The following SELENOF variants were observed in gnomAD, a reference collection of about 807,000 sequenced individuals.
SELENOF encodes selenoprotein F, also known as 15 kDa selenoprotein.
Under a neutral mutation model 20.5 loss-of-function variants are expected in SELENOF, and 16 were observed. The ratio of observed to expected loss-of-function variants is 0.78; its 90% CI spans 0.53 to 1.19. SELENOF has a LOEUF of 1.19. Among genes scored for constraint, SELENOF ranks in the 50% most tolerant of loss-of-function variants. The pLI, the probability that SELENOF is intolerant of heterozygous loss-of-function variation, is 0.00. For synonymous variants in SELENOF, 78 were observed against 74.5 expected (o/e 1.05, Z -0.24); for missense variants, 215 against 194.2 (o/e 1.11, Z -0.64).
At chr1:86,894,479 T>G (rs1659470376) in intron 2 of SELENOF, among the ~76,000 whole-genome samples, 1 of 152,196 alleles carries the variant, frequency 6.6e-6, no homozygotes, top group South Asian at 2.1e-4. Context: ...ATATATTTTA[T>G]TCTAAACTGA....
intron 1 of SELENOF, among the ~76,000 whole-genome samples, chr1:86,909,291 G>C (rs1659914619): frequency 6.6e-6 from 1 of 151,838 alleles, no homozygotes; most frequent in Admixed American, 6.6e-5. Flanking sequence ...GGTTTTTCTT[G>C]CTTTCTTTTC....
intron 3 of SELENOF, among the ~76,000 whole-genome samples, chr1:86,876,086 TAATGAAGTAAGAAA>T (rs1658917702): frequency 1.3e-5 from 2 of 150,518 alleles, no homozygotes; most frequent in African/African-American, 4.9e-5. Flanking sequence ...GTTGAAGAGG[TAATGAAGTAAGAAA>T]AGGGAAAAGA....
chr1:86,887,639 T>C (rs1659255180), intron 2 of SELENOF, among the ~76,000 whole-genome samples: 1 of 152,110 alleles, frequency 6.6e-6, no homozygotes, highest in South Asian at 2.1e-4. Context: ...CTATGAAACC[T>C]GAAAGAAAAA....
At chr1:86,883,209 T>C (rs939392100) in intron 2 of SELENOF, among the ~76,000 whole-genome samples, 2 of 150,764 alleles carry the variant, frequency 1.3e-5, no homozygotes, top group African/African-American at 4.9e-5. Flanking sequence ...CTAAGTGAAA[T>C]AAGGCAGTCA....
Position 86,863,391 on chromosome 1 carries a change from A to T in SELENOF, c.*83T>A. ...AAGTAAAAGACTGATCAATGGAAGC[A>T]AGCAAAACTAAATTATTTTCTAGGT... On this transcript the variant is annotated 3_prime_UTR_variant, in exon 5 of 5. Coordinates refer to ENST00000331835, the MANE Select transcript of SELENOF (RefSeq NM_004261.5). The T allele has an allele frequency of 8.2e-7, 1 of 1,222,572 alleles. No individual in the cohort carries two copies. Among genetic ancestry groups the T allele is most frequent in the Non-Finnish European group, 1.1e-6 (1 of 875,292 alleles). The allele number at this position is 1,222,572 out of a possible 1,614,324, so 75.7% of individuals were successfully genotyped here. A position where few individuals can be genotyped will look rare whatever the true frequency, so the allele number is the denominator to read the frequency against.
At chr1:86,887,527 C>G (rs1320937897) in intron 2 of SELENOF, among the ~76,000 whole-genome samples, 1 of 151,898 alleles carries the variant, frequency 6.6e-6, no homozygotes, top group Non-Finnish European at 1.5e-5. Context: ...AGGAATCTTT[C>G]CATAAAGATA....
chr1:86,908,148 C>G (rs988264324), intron 1 of SELENOF, among the ~76,000 whole-genome samples: 1 of 152,148 alleles, frequency 6.6e-6, no homozygotes, highest in Non-Finnish European at 1.5e-5. Flanking sequence ...AAAATCTGAT[C>G]TAGCTATATA....
intron 2 of SELENOF, among the ~76,000 whole-genome samples, chr1:86,892,043 G>A (rs1659396677): frequency 6.6e-6 from 1 of 151,628 alleles, no homozygotes. Context: ...CGATTCTCCT[G>A]CCTCAGCCTC....
intron 3 of SELENOF, among the ~76,000 whole-genome samples, chr1:86,873,712 C>T (rs1225512886): frequency 3.3e-5 from 5 of 151,916 alleles, no homozygotes; most frequent in Non-Finnish European, 5.9e-5. Context: ...ATTAGCTGGG[C>T]GTGGTGGTGC....
intron 2 of SELENOF, among the ~76,000 whole-genome samples, chr1:86,884,840 T>C (rs1333671278): frequency 1.3e-5 from 2 of 152,218 alleles, no homozygotes; most frequent in Non-Finnish European, 2.9e-5. Context: ...CATTATTGTA[T>C]TAGGACTAGG....
At chr1:86,900,029 T>G (rs1659647455) in intron 2 of SELENOF, among the ~76,000 whole-genome samples, 1 of 146,928 alleles carries the variant, frequency 6.8e-6, no homozygotes, top group African/African-American at 2.6e-5. Context: ...CTAGATGGGA[T>G]GGCGGCCGGG....
At chr1:86,907,644 C>A in intron 1 of SELENOF, among the ~76,000 whole-genome samples, 1 of 152,136 alleles carries the variant, frequency 6.6e-6, no homozygotes, top group East Asian at 1.9e-4. Flanking sequence ...GGGTTCCTGG[C>A]TAGGATAACC....
At chr1:86,894,137 TAA>T (rs2102109778) in intron 2 of SELENOF, among the ~76,000 whole-genome samples, 1 of 151,196 alleles carries the variant, frequency 6.6e-6, no homozygotes, top group South Asian at 2.1e-4. Context: ...CAAGATGTTC[TAA>T]AACTCAGATA....
At chr1:86,885,041 G>A (rs1047382716) in intron 2 of SELENOF, among the ~76,000 whole-genome samples, 68 of 152,086 alleles carry the variant, frequency 4.5e-4, no homozygotes, top group Non-Finnish European at 6.0e-4. Context: ...GTTGTAACAG[G>A]ATTTTAAAAT....
At chr1:86,879,555 A>G (rs1034432439) in intron 3 of SELENOF, among the ~76,000 whole-genome samples, 1 of 152,242 alleles carries the variant, frequency 6.6e-6, no homozygotes, top group African/African-American at 2.4e-5. Context: ...GTTATAAAAT[A>G]TTAAATCCAA....
chr1:86,910,513 G>A (rs565849321), intron 1 of SELENOF, among the ~76,000 whole-genome samples: 1 of 151,972 alleles, frequency 6.6e-6, no homozygotes, highest in Admixed American at 6.6e-5. Context: ...AGACCATCCT[G>A]GCCAACATGG....
At chr1:86,899,231 C>T (rs1030145677) in intron 2 of SELENOF, among the ~76,000 whole-genome samples, 2 of 151,448 alleles carry the variant, frequency 1.3e-5, no homozygotes, top group South Asian at 2.1e-4. Context: ...ATCTTTTCCC[C>T]ACCTTTCCCC....
intron 1 of SELENOF, among the ~76,000 whole-genome samples, chr1:86,909,387 C>G (rs922526086): frequency 6.6e-6 from 1 of 152,160 alleles, no homozygotes; most frequent in Non-Finnish European, 1.5e-5. Context: ...GTCCAGCACT[C>G]TCTCTTTTCT....
rs138184984 is a variant in SELENOF at position 86,913,107 on chromosome 1, T to A, written c.84+921A>T. Among the ~76,000 whole-genome samples, 4 of 152,342 alleles carry A rather than the reference T, an allele frequency of 2.6e-5. No individual in the cohort carries two copies. The South Asian group carries it at 6.2e-4, about 24-fold the overall frequency. On this transcript the variant is annotated intron_variant, in intron 1 of 4. Coordinates refer to ENST00000331835, the MANE Select transcript of SELENOF (RefSeq NM_004261.5). ...AAGTAGCCAAAGCAAACAGCCAGGATGCTTTCAAGCTCTTTGAGAAAGGTA... is the reference window on the plus strand; with the variant it reads ...AAGTAGCCAAAGCAAACAGCCAGGAAGCTTTCAAGCTCTTTGAGAAAGGTA...
Sources: gnomAD v4.1 joint callset for allele counts (sites outside exome capture counted in the v4.1 genomes callset) on GRCh38, gnomAD v4.1.1 for gene constraint, MANE v1.5 for transcripts, NCBI Gene and HGNC (gene_info 2026-07-23, HGNC 2026-07-21) for gene names.